Variants in C11orf91 observed in about 807,000 individuals in gnomAD.
C11orf91 encodes the protein uncharacterized protein C11orf91.
In C11orf91, 10 loss-of-function variants were observed where a neutral mutation model predicts 14.3. The observed-to-expected ratio is 0.70, with a 90% CI of 0.43 to 1.18. The LOEUF (loss-of-function observed/expected upper bound fraction) is 1.18, where lower values mean the gene tolerates loss of function less well. Among genes scored for constraint, C11orf91 ranks in the 50% most tolerant of loss-of-function variants. The pLI is 0.00. For synonymous variants in C11orf91, 141 were observed against 130.6 expected, an observed-to-expected ratio of 1.08 and a Z score of -0.54; for missense variants, 236 against 269.0, an observed-to-expected ratio of 0.88 and a Z score of 0.86.
At chr11:33,700,945 C>G, upstream of C11orf91, 1 of 418,506 alleles carries the variant, frequency 2.4e-6, no homozygotes, top group Non-Finnish European at 4.0e-6. Flanking sequence ...CCTCGGCTGG[C>G]CGCACCCCGC....
upstream of C11orf91, chr11:33,703,128 A>T (rs1199944904): frequency 3.9e-5 from 6 of 152,224 alleles, no homozygotes; most frequent in Non-Finnish European, 8.8e-5. Context: ...CTCCAAGATA[A>T]TCTAAACAGA....
chr11:33,700,100 T>A (rs763594667), intron 1 of C11orf91, 145 bp downstream of exon 1: 51 of 817,302 alleles, frequency 6.2e-5, no homozygotes, highest in Non-Finnish European at 9.0e-5. Flanking sequence ...GATAAGGGAG[T>A]CTGGGTGCTA....
At chr11:33,702,745 A>T (rs980325325), upstream of C11orf91, 3 of 380,704 alleles carry the variant, frequency 7.9e-6, no homozygotes, top group Admixed American at 3.3e-5. Flanking sequence ...AACCTAAGAG[A>T]TTAGAAGAAA....
At chr11:33,700,953 C>A (rs903147251), upstream of C11orf91, among the ~76,000 whole-genome samples, 1 of 152,312 alleles carries the variant, frequency 6.6e-6, no homozygotes, top group South Asian at 2.1e-4. Context: ...GGCCGCACCC[C>A]GCAGTTAGAA....
rs1853111143 is a variant in C11orf91 at position 33,700,683 on chromosome 11, G to A, written c.58C>T (p.Pro20Ser). The change falls in exon 1 of 2, where the codon CCC becomes TCC. Residue 20 changes from proline (P) to serine (S), a missense_variant. Transcript: ENST00000379011. ...SPTMSQRSAPPLYFPSLYDRG... is the reference protein window; with the variant it reads ...SPTMSQRSAPSLYFPSLYDRG... ...TCGTACAGGGACGGGAAATAGAGGG[G>A]CGGAGCCGACCGCTGGCTCATGGTG... 2 of 1,450,844 alleles carry A rather than the reference G, an allele frequency of 1.4e-6. No homozygotes were observed. The highest frequency in any genetic ancestry group is 1.8e-6 in the Non-Finnish European group (2 of 1,103,332). The allele number at this position is 1,450,844 out of a possible 1,614,324, so 89.9% of individuals were successfully genotyped here.
chr11:33,700,301 C>G lies in C11orf91; in HGVS notation c.440G>C (p.Arg147Pro), dbSNP rs1173954356. 1 of 1,535,098 alleles carries G rather than the reference C, an allele frequency of 6.5e-7. No individual in the cohort carries two copies. Among genetic ancestry groups the G allele is most frequent in the South Asian group, 1.2e-5 (1 of 84,062 alleles). The change falls in exon 1 of 2, where the codon CGG (arginine) becomes CCG (proline). Residue 147 changes from arginine to proline, a missense_variant. Arg to Pro is a moderately radical substitution (Grantham distance 103). Transcript: ENST00000379011. ...HPEELCELEI[R>P]IKELELLTIT... ...GGTGAGCAACTCCAGCTCCTTAATC[C>G]GGATCTCCAGCTCGCAGAGCTCCTC...
chr11:33,706,335 GAA>G, the C11orf91 span: 5 of 152,070 alleles, frequency 3.3e-5, no homozygotes, highest in African/African-American at 1.2e-4. Flanking sequence ...TAAGTAATTT[GAA>G]AAAGAGACTT....
At chr11:33,702,190 C>G (rs907273114), upstream of C11orf91, among the ~76,000 whole-genome samples, 1 of 152,200 alleles carries the variant, frequency 6.6e-6, no homozygotes, top group Non-Finnish European at 1.5e-5. Context: ...TAGCTCAGCA[C>G]CCAGCCTGTA....
At chr11:33,698,697 G>A (rs150735832) in intron 1 of C11orf91, among the ~76,000 whole-genome samples, 183 bp from the exon 2 acceptor site, 1 of 151,608 alleles carries the variant, frequency 6.6e-6, no homozygotes, top group African/African-American at 2.4e-5. Flanking sequence ...AACTGGTTCT[G>A]ACTGTACATG....
At chr11:33,700,218 C>T (rs1853097306) in intron 1 of C11orf91, 27 bp downstream of exon 1, 1 of 1,521,442 alleles carries the variant, frequency 6.6e-7, no homozygotes, top group African/African-American at 1.4e-5. Context: ...TAAGGCTGGG[C>T]TCGGTGGCCC....
intron 1 of C11orf91, chr11:33,699,529 TAAC>T (rs1275900495): frequency 2.2e-6 from 1 of 456,150 alleles, no homozygotes; most frequent in African/African-American, 2.0e-5. Context: ...ACAAGGCATT[TAAC>T]AACTTTACCC....
rs1853060303 is a variant in C11orf91 at position 33,698,350 on chromosome 11, G to C, written c.*79C>G. On this transcript the variant is annotated 3_prime_UTR_variant, in exon 2 of 2. Coordinates refer to ENST00000379011, the MANE Select transcript of C11orf91 (RefSeq NM_001166692.2). ...TACAGAACAGAAAATAACCATCTTT[G>C]AAATGACAACAAATGGGACACATTA... The C allele has an allele frequency of 1.1e-6, 1 of 876,832 alleles. No individual in the cohort carries two copies. Among genetic ancestry groups the C allele is most frequent in the African/African-American group, 1.7e-5 (1 of 59,804 alleles). The allele number at this position is 876,832 out of a possible 1,614,324, so 54.3% of individuals were successfully genotyped here. A position where few individuals can be genotyped will look rare whatever the true frequency, so the allele number is the denominator to read the frequency against.
At position 33,698,402 on chromosome 11, in the gene C11orf91, G is replaced by T; in HGVS notation, c.*27C>A. 7.1e-7 allele frequency: 1 copy of T among 1,400,258 alleles called. No individual in the cohort carries two copies. The highest frequency in any genetic ancestry group is 9.8e-7 in the Non-Finnish European group (1 of 1,021,912). The allele number at this position is 1,400,258 out of a possible 1,614,324, so 86.7% of individuals were successfully genotyped here. A position where few individuals can be genotyped will look rare whatever the true frequency, so the allele number is the denominator to read the frequency against. ...CTAAGCACTAACACCTAAGGAGGTGGCTGCCCAAGCTCTGGTAGGCAGCTC... is the reference window on the plus strand; with the variant it reads ...CTAAGCACTAACACCTAAGGAGGTGTCTGCCCAAGCTCTGGTAGGCAGCTC... On this transcript the variant is annotated 3_prime_UTR_variant, in exon 2 of 2. Coordinates refer to ENST00000379011, the MANE Select transcript of C11orf91 (RefSeq NM_001166692.2).
intron 1 of C11orf91, chr11:33,699,554 G>GT (rs1853085632): frequency 2.2e-6 from 1 of 456,192 alleles, no homozygotes; most frequent in Non-Finnish European, 4.4e-6. Flanking sequence ...CCAACAGGGA[G>GT]GAGTCATTCA....
chr11:33,703,956 G>C (rs1445834660), upstream of C11orf91: 1 of 152,226 alleles, frequency 6.6e-6, no homozygotes, highest in Admixed American at 6.5e-5. Flanking sequence ...CTGAGGTGCT[G>C]TTTGCCGGGT....
At chr11:33,705,118 G>T (rs1853258014), upstream of C11orf91, 1 of 152,182 alleles carries the variant, frequency 6.6e-6, no homozygotes, top group Non-Finnish European at 1.5e-5. Flanking sequence ...GAAGATGAGG[G>T]AGCTGGGTTT....
chr11:33,700,095 G>T, intron 1 of C11orf91, 150 bp downstream of exon 1: 2 of 789,880 alleles, frequency 2.5e-6, no homozygotes, highest in South Asian at 1.8e-5. Flanking sequence ...TCCAGGATAA[G>T]GGAGTCTGGG....
chr11:33,702,315 G>T (rs1350652330), upstream of C11orf91, among the ~76,000 whole-genome samples: 1 of 152,102 alleles, frequency 6.6e-6, no homozygotes, highest in African/African-American at 2.4e-5. Context: ...AATTAACCAG[G>T]TGTGGTGGCA....
upstream of C11orf91, chr11:33,703,804 G>A (rs1853196063): frequency 6.6e-6 from 1 of 152,238 alleles, no homozygotes; most frequent in African/African-American, 2.4e-5. Context: ...GGGCCAGAAG[G>A]GTCACACTGA....
Sources: allele counts gnomAD v4.1 joint callset (sites outside exome capture counted in the v4.1 genomes callset), GRCh38; gene constraint gnomAD v4.1.1; transcripts MANE v1.5; gene names NCBI Gene and HGNC (gene_info 2026-07-23, HGNC 2026-07-21).